HTRA3: variants seen among roughly 807,000 people sequenced by gnomAD.
HTRA3 encodes serine protease HTRA3.
HTRA3 carries 41 observed loss-of-function variants against 43.2 expected under a neutral mutation model. The observed-to-expected ratio is 0.95, with a 90% CI of 0.74 to 1.23. HTRA3 has a LOEUF of 1.23. Ranked by LOEUF, HTRA3 falls within the 50% of genes most tolerant of loss-of-function variation. HTRA3 has a pLI of 0.00. For synonymous variants in HTRA3, 295 were observed against 287.9 expected (o/e 1.02, Z -0.25); for missense variants, 628 against 647.1 (o/e 0.97, Z 0.32).
intron 1 of HTRA3, 24 bp downstream of exon 1, chr4:8,270,377 G>A (rs1433271154): frequency 2.9e-6 from 4 of 1,380,258 alleles, no homozygotes; most frequent in Admixed American, 3.7e-5. Context: ...GGCCAGGGAG[G>A]AAGTGAAGCT....
chr4:8,290,348 G>A lies in HTRA3; in HGVS notation c.709-1022G>A, dbSNP rs191075351. On this transcript the variant is annotated intron_variant, in intron 3 of 8. Transcript: ENST00000307358. Reference sequence around the variant, plus strand: ...GTGTATAATAAAAGGGAAGAGGACTGAAACGATGAGAAGGACCAGTGGCCT... The same window carrying A: ...GTGTATAATAAAAGGGAAGAGGACTAAAACGATGAGAAGGACCAGTGGCCT... Among the ~76,000 whole-genome samples the A allele has an allele frequency of 1.5e-3, 222 of 152,360 alleles. 1 individual carries two copies. Among genetic ancestry groups the A allele is most frequent in the African/African-American group, 5.0e-3 (210 of 41,586 alleles).
intron 1 of HTRA3, among the ~76,000 whole-genome samples, chr4:8,276,011 C>T (rs953554226): frequency 1.2e-4 from 19 of 152,354 alleles, no homozygotes; most frequent in Admixed American, 9.8e-4. Context: ...GACCGCTGTC[C>T]TTGGTGCAGC....
chr4:8,296,043 A>G lies in HTRA3; in HGVS notation c.1051+1842A>G, dbSNP rs13130469. On this transcript the variant is annotated intron_variant, in intron 6 of 8. Coordinates refer to ENST00000307358, the MANE Select transcript of HTRA3 (RefSeq NM_053044.5). This position sits in a 1 kb window ranked among gnomAD's most constrained non-coding sequence, Gnocchi z 5.3. ...CTGTCCTAGCATGCTCCTTTCCCTA[A>G]TGACCGAGTCTTTCCTGTTGAATTA... is the stretch of plus-strand genomic sequence containing the variant. 257,070 of 1,117,914 alleles carry G rather than the reference A, an allele frequency of 0.23. 30,166 individuals carry two copies. Among genetic ancestry groups the G allele is most frequent in the South Asian group, 0.37 (8,329 of 22,446 alleles). 69.2% of individuals were successfully genotyped at this position (1,117,914 alleles called of 1,614,324 possible).
chr4:8,304,645 T>TTTTTGTG lies in HTRA3; in HGVS notation c.1196+370_1196+371insGTGTTTT, dbSNP rs1275289349. On this transcript the variant is annotated intron_variant, in intron 8 of 8. Transcript: ENST00000307358. The stretch of plus-strand genomic sequence containing the variant: ...AAGTGGAGATAATTCAGCCTATTGT[T>TTTTTGTG]TTTTTTTTTTTTTTTTTTTTTTTTT... Among the ~76,000 whole-genome samples the TTTTTGTG allele has an allele frequency of 8.9e-4, 9 of 10,074 alleles. 2 individuals carry two copies. The highest frequency in any genetic ancestry group is 9.9e-4 in the Non-Finnish European group (4 of 4,034). The allele number at this position is 10,074 out of a possible 152,430, so 6.6% of individuals were successfully genotyped here. A position where few individuals can be genotyped will look rare whatever the true frequency, so the allele number is the denominator to read the frequency against.
rs1321746176 is a variant in HTRA3 at position 8,279,545 on chromosome 4, G to T, written c.386-2892G>T. Among the ~76,000 whole-genome samples the T allele has an allele frequency of 6.6e-6, 1 of 152,120 alleles. No individual in the cohort carries two copies. Among genetic ancestry groups the T allele is most frequent in the Non-Finnish European group, 1.5e-5 (1 of 68,028 alleles). On this transcript the variant is annotated intron_variant, in intron 1 of 8. Coordinates refer to ENST00000307358, the MANE Select transcript of HTRA3 (RefSeq NM_053044.5). The surrounding 1 kb of genome is among the most constrained non-coding windows in gnomAD (Gnocchi z 7.4). Reference sequence around the variant, plus strand: ...CCAGGGGCTGGGCTTTGGCAAGCAGGGGGTGGACACGTTGGGGTCCAGAGA... The same window carrying T: ...CCAGGGGCTGGGCTTTGGCAAGCAGTGGGTGGACACGTTGGGGTCCAGAGA...
At position 8,269,876 on chromosome 4, in the gene HTRA3, AGGCGCCC is replaced by A. The variant is rs879486439; in HGVS notation, c.-82_-76del. ...GCGCGTCCGCCCCAGTCCCATCCGT[AGGCGCCC>A]GGCGCCCGGCCCCGCAGCGGCCTCG... On this transcript the variant is annotated 5_prime_UTR_variant, in exon 1 of 9. Coordinates refer to ENST00000307358, the MANE Select transcript of HTRA3 (RefSeq NM_053044.5). 44 of 560,026 alleles carry A rather than the reference AGGCGCCC, an allele frequency of 7.9e-5. No homozygotes were observed. The highest frequency in any genetic ancestry group is 9.8e-5 in the Non-Finnish European group (43 of 439,274). The allele number at this position is 560,026 out of a possible 1,614,324, so 34.7% of individuals were successfully genotyped here.
intron 2 of HTRA3, among the ~76,000 whole-genome samples, chr4:8,284,242 G>A (rs1260745378): frequency 6.6e-6 from 1 of 152,198 alleles, no homozygotes; most frequent in Non-Finnish European, 1.5e-5. Context: ...CTTCCCTCGA[G>A]CCCCGGGCCC....
chr4:8,298,566 C>G (rs1713535915), intron 6 of HTRA3, among the ~76,000 whole-genome samples: 1 of 151,458 alleles, frequency 6.6e-6, no homozygotes, highest in Admixed American at 6.6e-5. Flanking sequence ...TCTAAGACGT[C>G]TTTGCTAACC....
chr4:8,282,541 G>C lies in HTRA3; in HGVS notation c.485+5G>C. 6 of 1,604,208 alleles carry C rather than the reference G, an allele frequency of 3.7e-6. No individual in the cohort carries two copies. The highest frequency in any genetic ancestry group is 5.1e-6 in the Non-Finnish European group (6 of 1,171,196). On this transcript the variant is annotated splice_donor_5th_base_variant and intron_variant, in intron 2 of 8. Coordinates refer to ENST00000307358, the MANE Select transcript of HTRA3 (RefSeq NM_053044.5). Reference sequence around the variant, plus strand: ...CCACATAGAGCTCTTCCTGAGGTGGGTGAATACCCCTCGCCCCTCTCTGCC... The same window carrying C: ...CCACATAGAGCTCTTCCTGAGGTGGCTGAATACCCCTCGCCCCTCTCTGCC...
In HTRA3 at chr4:8,295,919, GTCT is replaced by G; in HGVS notation, c.1051+1725_1051+1727del. 8 of 1,227,022 alleles carry G rather than the reference GTCT, an allele frequency of 6.5e-6. No homozygotes were observed. Among genetic ancestry groups the G allele is most frequent in the East Asian group, 3.2e-5 (1 of 31,526 alleles). 76.0% of individuals were successfully genotyped at this position (1,227,022 alleles called of 1,614,324 possible). On this transcript the variant is annotated intron_variant, in intron 6 of 8. Coordinates refer to ENST00000307358, the MANE Select transcript of HTRA3 (RefSeq NM_053044.5). This position sits in a 1 kb window ranked among gnomAD's most constrained non-coding sequence, Gnocchi z 6.9. ...GCCTGTCTTTCCCAAAGAAGCTGAA[GTCT>G]TCTTCTCTTGAACAGTGGGGACCAT...
chr4:8,295,784 T>C lies in HTRA3; in HGVS notation c.1051+1583T>C. 1.6e-6 allele frequency: 2 copies of C among 1,274,174 alleles called. No homozygotes were observed. Among genetic ancestry groups the C allele is most frequent in the East Asian group, 3.1e-5 (1 of 32,264 alleles). The allele number at this position is 1,274,174 out of a possible 1,614,324, so 78.9% of individuals were successfully genotyped here. ...CGTCAGCCAAGCACATGGACCCCAG[T>C]GCAGCCAAGGCTGGTGCCATGAGGG... On this transcript the variant is annotated intron_variant, in intron 6 of 8. Coordinates refer to ENST00000307358, the MANE Select transcript of HTRA3 (RefSeq NM_053044.5). The surrounding 1 kb of genome is among the most constrained non-coding windows in gnomAD (Gnocchi z 6.9).
At chr4:8,290,717 C>G (rs1208066858) in intron 3 of HTRA3, among the ~76,000 whole-genome samples, 1 of 152,230 alleles carries the variant, frequency 6.6e-6, no homozygotes, top group Non-Finnish European at 1.5e-5. Flanking sequence ...CTTGGCTGTT[C>G]TCCTTGCTGC....
At chr4:8,291,338 C>T (rs774452233) in intron 3 of HTRA3, 32 bp from the exon 4 acceptor site, 12 of 1,594,510 alleles carry the variant, frequency 7.5e-6, no homozygotes, top group Admixed American at 3.3e-5. Context: ...GGCTAAGCCT[C>T]CCTCTCTGTG....
intron 8 of HTRA3, 139 bp downstream of exon 8, chr4:8,304,418 C>A (rs567182610): frequency 4.6e-6 from 3 of 655,106 alleles, no homozygotes; most frequent in Non-Finnish European, 2.7e-6. Context: ...AGCGTGTCTG[C>A]TAAGCCAGAG....
intron 2 of HTRA3, among the ~76,000 whole-genome samples, chr4:8,284,970 G>C (rs1358566332): frequency 6.6e-6 from 1 of 152,184 alleles, no homozygotes; most frequent in African/African-American, 2.4e-5. Flanking sequence ...AAGGTGTCAA[G>C]GTCCTAATCA....
In HTRA3 at chr4:8,270,019, C is replaced by T; in HGVS notation, c.51C>T (p.Ala17=). The T allele has an allele frequency of 7.6e-7, 1 of 1,320,336 alleles. No homozygotes were observed. 81.8% of individuals were successfully genotyped at this position (1,320,336 alleles called of 1,614,324 possible). The change falls in exon 1 of 9, where the codon GCC becomes GCT. Residue 17 remains alanine, a synonymous_variant. Coordinates refer to ENST00000307358, the MANE Select transcript of HTRA3 (RefSeq NM_053044.5). The part of the protein sequence containing the change: ...LLAALAALAL[A]REPPAAPCPA... Reference sequence around the variant, plus strand: ...CCGCGTTGGCCGCGCTGGCGCTGGCCCGGGAGCCCCCTGCGGCGCCGTGTC... The same window carrying T: ...CCGCGTTGGCCGCGCTGGCGCTGGCTCGGGAGCCCCCTGCGGCGCCGTGTC...
At chr4:8,281,190 G>A (rs527449924) in intron 1 of HTRA3, among the ~76,000 whole-genome samples, 4 of 152,274 alleles carry the variant, frequency 2.6e-5, no homozygotes, top group East Asian at 1.9e-4. Flanking sequence ...ACCGCGGCCC[G>A]GGCCCTGCCC....
intron 4 of HTRA3, among the ~76,000 whole-genome samples, chr4:8,292,000 G>A (rs924165318): frequency 6.6e-6 from 1 of 152,170 alleles, no homozygotes; most frequent in Non-Finnish European, 1.5e-5. Flanking sequence ...AGTCTTTGTA[G>A]AGGGCCCCCC....
Position 8,286,751 on chromosome 4 carries a change from T to G in HTRA3, c.676T>G (p.Ser226Ala), listed in dbSNP as rs776517422. ...EATIKDIDKK[S>A]DIATIKIHPK... ...CACCATCAAAGACATCGACAAGAAG[T>G]CGGACATTGCCACCATCAAGATCCA... The change falls in exon 3 of 9, where the codon TCG becomes GCG. Residue 226 changes from serine to alanine, a missense_variant. Coordinates refer to ENST00000307358, the MANE Select transcript of HTRA3 (RefSeq NM_053044.5). The surrounding 1 kb of genome is among the most constrained non-coding windows in gnomAD (Gnocchi z 4.9). The G allele has an allele frequency of 6.2e-7, 1 of 1,613,946 alleles. No individual in the cohort carries two copies. The highest frequency in any genetic ancestry group is 8.5e-7 in the Non-Finnish European group (1 of 1,179,984).
Sources: gnomAD v4.1 joint callset for allele counts (sites outside exome capture counted in the v4.1 genomes callset) on GRCh38, gnomAD v4.1.1 for gene constraint, Gnocchi (gnomAD v3.1) non-coding constraint, MANE v1.5 for transcripts, NCBI Gene and HGNC (gene_info 2026-07-23, HGNC 2026-07-21) for gene names.